The following MCC variants were observed in gnomAD, a reference collection of about 807,000 sequenced individuals.
MCC encodes MCC regulator of Wnt signaling pathway.
Under a neutral mutation model 116.2 loss-of-function variants are expected in MCC, and 90 were observed. The observed-to-expected ratio is 0.77, with a 90% CI of 0.65 to 0.92. MCC has a LOEUF of 0.92. Ranked by LOEUF, MCC falls within the 40% of genes least tolerant of loss-of-function variation. The pLI, the probability that MCC is intolerant of heterozygous loss-of-function variation, is 0.00. For missense variants in MCC, 1,516 were observed against 1,312.2 expected (o/e 1.16, Z -2.40); for synonymous variants, 578 against 510.5 (o/e 1.13, Z -1.78).
chr5:113,463,291 T>G (rs758345795), intron 1 of MCC, among the ~76,000 whole-genome samples: 1 of 152,172 alleles, frequency 6.6e-6, no homozygotes, highest in Non-Finnish European at 1.5e-5. Flanking sequence ...GTGAGCAGAT[T>G]AGCACTTCAA....
At chr5:113,283,461 C>T (rs948283334) in intron 3 of MCC, among the ~76,000 whole-genome samples, 18 of 152,012 alleles carry the variant, frequency 1.2e-4, no homozygotes, top group Admixed American at 1.1e-3. Flanking sequence ...GCAAATCAAA[C>T]CCACAATGAG....
At chr5:113,241,883 CA>C (rs201369783) in intron 3 of MCC, among the ~76,000 whole-genome samples, 1,573 of 152,282 alleles carry the variant, frequency 0.01, 38 homozygotes, top group African/African-American at 0.035. Context: ...CTCCAAAGCC[CA>C]CCTGTTGGCT....
chr5:113,368,569 A>G (rs7717630), intron 2 of MCC, among the ~76,000 whole-genome samples: 28,845 of 150,016 alleles, frequency 0.19, 3,018 homozygotes, highest in Non-Finnish European at 0.24. Context: ...TTTATTTCTT[A>G]TTTTTTCCCA....
At chr5:113,249,342 G>C (rs922204461) in intron 3 of MCC, among the ~76,000 whole-genome samples, 2 of 152,182 alleles carry the variant, frequency 1.3e-5, no homozygotes, top group African/African-American at 4.8e-5. Context: ...CAGGGGGTCA[G>C]CAGAGGGATG....
intron 5 of MCC, among the ~76,000 whole-genome samples, chr5:113,124,004 G>A (rs1377326515): frequency 1.3e-5 from 2 of 152,202 alleles, no homozygotes; most frequent in African/African-American, 4.8e-5. Flanking sequence ...CTATAAATCA[G>A]AGAAATGTGA....
intron 9 of MCC, 33 bp from the exon 10 acceptor site, chr5:113,084,223 T>A: frequency 6.7e-7 from 1 of 1,496,828 alleles, no homozygotes; most frequent in Non-Finnish European, 9.3e-7. Flanking sequence ...TATAGAAAAC[T>A]ACACACCACT....
intron 3 of MCC, among the ~76,000 whole-genome samples, chr5:113,315,926 G>A (rs61560548): frequency 0.031 from 4,756 of 151,558 alleles, 249 homozygotes; most frequent in African/African-American, 0.1. Flanking sequence ...TTCTTCTTTC[G>A]AAGTGCCCAA....
intron 12 of MCC, among the ~76,000 whole-genome samples, chr5:113,070,783 G>A (rs892265987): frequency 7.2e-5 from 11 of 152,220 alleles, no homozygotes; most frequent in Admixed American, 2.6e-4. Context: ...TTATAACAAT[G>A]TAAATTACAT....
chr5:113,370,652 G>T lies in MCC; in HGVS notation c.415+14316C>A, dbSNP rs537674997. 3.9e-5 allele frequency among the ~76,000 whole-genome samples: 6 copies of T among 152,252 alleles called. No homozygotes were observed. In the South Asian group the frequency reaches 1.2e-3, roughly 32 times the overall value. ...ATGGACTGATCCATAGATATATTTT[G>T]TTAGTTCTGTTCTACTTAAAAATCA... On this transcript the variant is annotated intron_variant, in intron 2 of 18. Coordinates refer to ENST00000408903, the MANE Select transcript of MCC (RefSeq NM_001085377.2).
chr5:113,419,538 A>C (rs1039895429), intron 1 of MCC, among the ~76,000 whole-genome samples: 1 of 152,028 alleles, frequency 6.6e-6, no homozygotes. Context: ...TGGTGACTGC[A>C]TAACACAGTA....
chr5:113,447,133 C>T (rs868805220), intron 1 of MCC, among the ~76,000 whole-genome samples: 2 of 152,010 alleles, frequency 1.3e-5, no homozygotes, highest in Non-Finnish European at 2.9e-5. Context: ...CTCTGGGCAC[C>T]TTTGTCTAAA....
rs951448333 is a variant in MCC at position 113,039,720 on chromosome 5, C to A, written c.2756+3810G>T. 9.1e-4 allele frequency among the ~76,000 whole-genome samples: 135 copies of A among 147,672 alleles called. 2 individuals are homozygous for A. The highest frequency in any genetic ancestry group is 1.7e-3 in the Non-Finnish European group (111 of 66,800). On this transcript the variant is annotated intron_variant, in intron 17 of 18. Coordinates refer to ENST00000408903, the MANE Select transcript of MCC (RefSeq NM_001085377.2). ...TGCCGTCCCACTCCGCGCCCCCCCC[C>A]CCAACCCACCCCAGGATCACATGGA... is the stretch of plus-strand genomic sequence containing the variant.
At chr5:113,225,675 T>C (rs1049639946) in intron 3 of MCC, among the ~76,000 whole-genome samples, 2 of 152,226 alleles carry the variant, frequency 1.3e-5, no homozygotes, top group African/African-American at 2.4e-5. Flanking sequence ...AGGAAACCTA[T>C]ACCAGGCACC....
chr5:113,157,510 T>TGCACCTCATGCTGCTGAG (rs61549923), intron 3 of MCC, among the ~76,000 whole-genome samples: 4 of 152,202 alleles, frequency 2.6e-5, no homozygotes, highest in Admixed American at 6.5e-5. Flanking sequence ...TCTAGATACA[T>TGCACCTCATGCTGCTGAG]GCACCTCATG....
chr5:113,387,870 A>G (rs1318772), intron 1 of MCC, among the ~76,000 whole-genome samples: 26,276 of 152,166 alleles, frequency 0.17, 2,965 homozygotes, highest in African/African-American at 0.31. Context: ...ATAATTGTTG[A>G]TCATAGATCT....
At chr5:113,218,554 C>G (rs1172082435) in intron 3 of MCC, among the ~76,000 whole-genome samples, 2 of 152,102 alleles carry the variant, frequency 1.3e-5, no homozygotes, top group African/African-American at 4.8e-5. Flanking sequence ...TGAGACAATG[C>G]CCAGAGGTAG....
At chr5:113,412,960 A>G (rs1248732392) in intron 1 of MCC, among the ~76,000 whole-genome samples, 1 of 152,200 alleles carries the variant, frequency 6.6e-6, no homozygotes, top group African/African-American at 2.4e-5. Context: ...TACCTAGCTT[A>G]TTGAGAGTTT....
chr5:113,248,429 C>T (rs1459948418), intron 3 of MCC, among the ~76,000 whole-genome samples: 1 of 152,028 alleles, frequency 6.6e-6, no homozygotes, highest in Non-Finnish European at 1.5e-5. Flanking sequence ...TTCATTGCCT[C>T]AGTAAATATA....
intron 1 of MCC, among the ~76,000 whole-genome samples, chr5:113,414,094 C>T (rs570325036): frequency 2.0e-5 from 3 of 152,294 alleles, no homozygotes; most frequent in Admixed American, 1.3e-4. Flanking sequence ...GAGTGTGTTT[C>T]TTAATCCTGA....
Sources: allele counts gnomAD v4.1 joint callset (sites outside exome capture counted in the v4.1 genomes callset), GRCh38; gene constraint gnomAD v4.1.1; transcripts MANE v1.5; gene names NCBI Gene and HGNC (gene_info 2026-07-23, HGNC 2026-07-21).